Variants in HLCS observed in about 807,000 individuals in gnomAD.
HLCS encodes holocarboxylase synthetase, also known as biotin--protein ligase.
Under a neutral mutation model 75.0 loss-of-function variants are expected in HLCS, and 53 were observed. That is an observed-to-expected ratio of 0.71 (90% CI 0.57 to 0.89). HLCS has a LOEUF of 0.89. Among genes scored for constraint, HLCS ranks in the 40% least tolerant of loss-of-function variants. The probability of loss-of-function intolerance (pLI) is 0.00; values close to 1 mark genes in which losing one functional copy is unlikely to be tolerated. For missense variants in HLCS, 966 were observed against 1,074.0 expected (o/e 0.90, Z 1.41); for synonymous variants, 431 against 428.6 (o/e 1.01, Z -0.07).
In HLCS at chr21:36,749,857, C is replaced by T. The variant is rs190163767; in HGVS notation, c.*4389G>A. On this transcript the variant is annotated 3_prime_UTR_variant, in exon 11 of 11. Transcript: ENST00000674895. Reference sequence around the variant, plus strand: ...TTTAGTAAAAATAAATCAAGGCTATCGGAGCAGTTCAATAACAAAGGTTAC... The same window carrying T: ...TTTAGTAAAAATAAATCAAGGCTATTGGAGCAGTTCAATAACAAAGGTTAC... The T allele has an allele frequency of 4.1e-4, 63 of 152,212 alleles. No individual in the cohort carries two copies. Among genetic ancestry groups the T allele is most frequent in the African/African-American group, 1.1e-3 (47 of 41,524 alleles). The allele number at this position is 152,212 out of a possible 1,614,324, so 9.4% of individuals were successfully genotyped here.
intron 2 of HLCS, among the ~76,000 whole-genome samples, chr21:36,942,096 T>C (rs8129682): frequency 0.6 from 91,352 of 151,226 alleles, 27,756 homozygotes; most frequent in East Asian, 0.68. Context: ...TTGCTTCAAC[T>C]CAGGAGGCAG....
chr21:36,788,714 A>C (rs1162856475), intron 6 of HLCS, among the ~76,000 whole-genome samples: 1 of 152,210 alleles, frequency 6.6e-6, no homozygotes, highest in Non-Finnish European at 1.5e-5. Flanking sequence ...AGGATCCTGA[A>C]GTTATAAAAA....
intron 6 of HLCS, among the ~76,000 whole-genome samples, chr21:36,873,073 A>G (rs1569129258): frequency 6.6e-6 from 1 of 151,942 alleles, no homozygotes; most frequent in Non-Finnish European, 1.5e-5. Context: ...TCCTGAAAAC[A>G]GATATTGTTA....
At chr21:36,939,668 C>G (rs1345122258) in intron 2 of HLCS, among the ~76,000 whole-genome samples, 2 of 152,152 alleles carry the variant, frequency 1.3e-5, no homozygotes, top group Non-Finnish European at 2.9e-5. Context: ...CCCGGCTTAG[C>G]CTTCCAGTTC....
At chr21:36,843,189 A>G (rs1375591443) in intron 6 of HLCS, among the ~76,000 whole-genome samples, 1 of 152,262 alleles carries the variant, frequency 6.6e-6, no homozygotes, top group Non-Finnish European at 1.5e-5. Context: ...CTGCAATCCT[A>G]ACACTTTGGA....
At position 36,937,380 on chromosome 21, in the gene HLCS, T is replaced by G; in HGVS notation, c.506A>C (p.Gln169Pro). The change falls in exon 4 of 11, where the codon CAG becomes CCG. Residue 169 changes from glutamine to proline, a missense_variant. Gln to Pro is a moderately conservative substitution (Grantham distance 76). Coordinates refer to ENST00000674895, the MANE Select transcript of HLCS (RefSeq NM_001352514.2). ...CTTAACTTCCTTCAGAGTGGAGTCC[T>G]GCAAGTGCACCGCTAAGGCATGAAT... ...VPQKIVSVHL[Q>P]DSTLKEVKDQ... 6.2e-7 allele frequency: 1 copy of G among 1,613,582 alleles called. No homozygotes were observed. Among genetic ancestry groups the G allele is most frequent in the Non-Finnish European group, 8.5e-7 (1 of 1,179,946 alleles).
intron 2 of HLCS, among the ~76,000 whole-genome samples, chr21:36,956,348 C>T (rs1019242485): frequency 4.6e-5 from 7 of 152,042 alleles, no homozygotes; most frequent in African/African-American, 7.2e-5. Context: ...CATAAACCAA[C>T]GATGAGAGTA....
At position 36,756,696 on chromosome 21, in the gene HLCS, C is replaced by T. The variant is rs1280480172; in HGVS notation, c.2296G>A (p.Glu766Lys). Residue 766 changes from glutamate (E) to lysine (K), a missense_variant, in exon 10 of 11, where the codon GAA becomes AAA. Coordinates refer to ENST00000674895, the MANE Select transcript of HLCS (RefSeq NM_001352514.2). ...TCTGCCTTGTGTTGTTTATTGTATT[C>T]TGTGATGAGGTCGTTGATGCAGATG... ...PTICINDLIT[E>K]YNKQHKAELK... is the part of the protein sequence containing the mutation. 6.2e-7 allele frequency: 1 copy of T among 1,614,112 alleles called. No homozygotes were observed. Among genetic ancestry groups the T allele is most frequent in the Non-Finnish European group, 8.5e-7 (1 of 1,180,016 alleles).
At chr21:36,886,375 G>A (rs1207459547) in intron 6 of HLCS, among the ~76,000 whole-genome samples, 1 of 144,848 alleles carries the variant, frequency 6.9e-6, no homozygotes, top group African/African-American at 2.6e-5. Context: ...AGAGCTTGCA[G>A]CGAGCTGATA....
chr21:36,807,761 G>A (rs1283388913), intron 6 of HLCS, among the ~76,000 whole-genome samples: 1 of 152,162 alleles, frequency 6.6e-6, no homozygotes, highest in East Asian at 1.9e-4. Context: ...GGGAGTCCCT[G>A]TGGTCTGGGC....
At chr21:36,989,792 G>A (rs887926959) in intron 1 of HLCS, among the ~76,000 whole-genome samples, 1 of 152,132 alleles carries the variant, frequency 6.6e-6, no homozygotes, top group Non-Finnish European at 1.5e-5. Context: ...CGCGGGGCAC[G>A]CGGCCAGGGG....
chr21:36,927,781 C>T (rs768789439), intron 5 of HLCS, among the ~76,000 whole-genome samples: 47 of 152,088 alleles, frequency 3.1e-4, no homozygotes, highest in African/African-American at 7.5e-4. Context: ...GTCCTGTATG[C>T]GAGGCAGCCT....
chr21:36,844,127 C>G (rs1003232069), intron 6 of HLCS, among the ~76,000 whole-genome samples: 1 of 152,132 alleles, frequency 6.6e-6, no homozygotes, highest in African/African-American at 2.4e-5. Context: ...TCCCTCTCTC[C>G]GGTGCAGCAC....
chr21:36,974,941 C>T (rs1480747745), intron 1 of HLCS: 8 of 152,210 alleles, frequency 5.3e-5, no homozygotes, highest in Admixed American at 5.2e-4. Context: ...TCTCTAACCC[C>T]TCTCTCAACT....
chr21:36,770,424 G>A (rs182940677), intron 6 of HLCS, among the ~76,000 whole-genome samples: 5 of 152,042 alleles, frequency 3.3e-5, no homozygotes, highest in Admixed American at 6.6e-5. Flanking sequence ...TGGGATTACA[G>A]GTGTAAGCCA....
intron 6 of HLCS, among the ~76,000 whole-genome samples, chr21:36,832,227 C>T (rs757041659): frequency 2.0e-5 from 3 of 151,878 alleles, no homozygotes; most frequent in Admixed American, 1.3e-4. Flanking sequence ...TATAACCTAA[C>T]GAAAGGGCAA....
At chr21:36,925,231 T>C (rs899569973) in intron 5 of HLCS, among the ~76,000 whole-genome samples, 2 of 152,126 alleles carry the variant, frequency 1.3e-5, no homozygotes, top group Non-Finnish European at 2.9e-5. Context: ...TTTTGCCCGA[T>C]CATTTCAGTA....
chr21:36,776,417 C>CTT (rs60097796), intron 6 of HLCS, among the ~76,000 whole-genome samples: 282 of 148,598 alleles, frequency 1.9e-3, no homozygotes, highest in Middle Eastern at 0.011. Context: ...CTATTTTATG[C>CTT]TTTTTTTTTT....
In HLCS at chr21:36,966,594, A is replaced by G. The variant is rs1391837347; in HGVS notation, c.45T>C (p.Gly15=). 2.0e-6 allele frequency: 2 copies of G among 992,356 alleles called. No homozygotes were observed. Among genetic ancestry groups the G allele is most frequent in the African/African-American group, 3.5e-5 (2 of 56,546 alleles). 61.5% of individuals were successfully genotyped at this position (992,356 alleles called of 1,614,324 possible). A position where few individuals can be genotyped will look rare whatever the true frequency, so the allele number is the denominator to read the frequency against. The change falls in exon 1 of 11, where the codon GGT becomes GGC. Residue 15 remains glycine, a synonymous_variant. Transcript: ENST00000674895. ...CGCGCACGAGCTCAGCCGGCCGGCG[A>G]CCCCAGCGCGCCCACAGGTACAGGT... ...LCYLYLWARW[G]RRPAELVRAT... is the part of the protein sequence containing the mutation.
Sources: allele counts gnomAD v4.1 joint callset (sites outside exome capture counted in the v4.1 genomes callset), GRCh38; gene constraint gnomAD v4.1.1; transcripts MANE v1.5; gene names NCBI Gene and HGNC (gene_info 2026-07-23, HGNC 2026-07-21).